Variants in IGDCC4 observed in about 807,000 individuals in gnomAD.
IGDCC4 encodes the protein likely ortholog of mouse neighbor of Punc E11.
A neutral mutation model predicts 116.6 loss-of-function variants in IGDCC4; 72 were observed. The ratio of observed to expected loss-of-function variants is 0.62; its 90% CI spans 0.51 to 0.75. The LOEUF (loss-of-function observed/expected upper bound fraction) is 0.75. Among genes scored for constraint, IGDCC4 ranks in the 30% least tolerant of loss-of-function variants. The probability of loss-of-function intolerance (pLI) is 0.00; values close to 1 mark genes in which losing one functional copy is unlikely to be tolerated. For synonymous variants in IGDCC4, 709 were observed against 719.9 expected (o/e 0.98, Z 0.24); for missense variants, 1,501 against 1,662.4 (o/e 0.90, Z 1.69).
rs1447800451 is a variant in IGDCC4 at position 65,397,140 on chromosome 15, G to T, written c.842-151C>A. On this transcript the variant is annotated intron_variant, in intron 5 of 19. Coordinates refer to ENST00000352385, the MANE Select transcript of IGDCC4 (RefSeq NM_020962.3). ...TTTCCTCCTCTTGCTGGGACTCTCT[G>T]AGCCCGGCTGTCTCCATCTGTAAGG... is the stretch of plus-strand genomic sequence containing the variant. 33 of 985,170 alleles carry T rather than the reference G, an allele frequency of 3.3e-5. No homozygotes were observed. In the East Asian group the frequency reaches 8.5e-4, roughly 25 times the overall value. 61.0% of individuals were successfully genotyped at this position (985,170 alleles called of 1,614,324 possible).
At position 65,384,863 on chromosome 15, in the gene IGDCC4, A is replaced by C. The variant is rs1316963859; in HGVS notation, c.3342+91T>G. 1 of 1,482,652 alleles carries C rather than the reference A, an allele frequency of 6.7e-7. No individual in the cohort carries two copies. Among genetic ancestry groups the C allele is most frequent in the African/African-American group, 1.4e-5 (1 of 69,566 alleles). 91.8% of individuals were successfully genotyped at this position (1,482,652 alleles called of 1,614,324 possible). A position where few individuals can be genotyped will look rare whatever the true frequency, so the allele number is the denominator to read the frequency against. Reference sequence around the variant, plus strand: ...GACTTCTATCCCCAGGAAAGTTACCACCCAGGGGTCTCCAGAGAACTCATT... The same window carrying C: ...GACTTCTATCCCCAGGAAAGTTACCCCCCAGGGGTCTCCAGAGAACTCATT... On this transcript the variant is annotated intron_variant, in intron 19 of 19. Transcript: ENST00000352385. The surrounding 1 kb of genome is among the most constrained non-coding windows in gnomAD (Gnocchi z 4.9).
intron 18 of IGDCC4, 168 bp downstream of exon 18, chr15:65,385,663 T>C (rs1033738492): frequency 5.7e-6 from 4 of 703,210 alleles, no homozygotes; most frequent in Middle Eastern, 3.7e-4. Flanking sequence ...TGGAGGCCCA[T>C]GTGCTTCCCT....
Position 65,396,091 on chromosome 15 carries a change from C to CG in IGDCC4, c.1069dup (p.Arg357ProfsTer52). 7.2e-7 allele frequency: 1 copy of CG among 1,385,580 alleles called. No homozygotes were observed. Among genetic ancestry groups the CG allele is most frequent in the Non-Finnish European group, 9.3e-7 (1 of 1,077,628 alleles). 85.8% of individuals were successfully genotyped at this position (1,385,580 alleles called of 1,614,324 possible). A position where few individuals can be genotyped will look rare whatever the true frequency, so the allele number is the denominator to read the frequency against. On this transcript the variant is annotated frameshift_variant, in exon 7 of 20. Coordinates refer to ENST00000352385, the MANE Select transcript of IGDCC4 (RefSeq NM_020962.3). LOFTEE classifies it high-confidence loss of function. ...CGCTGGCCGCGGCTCCCCCGACGCG[C>CG]GGCACACGAAGCGCGCTGTGCTCGC...
chr15:65,414,364 C>T (rs2063124465), intron 1 of IGDCC4, among the ~76,000 whole-genome samples: 1 of 152,222 alleles, frequency 6.6e-6, no homozygotes, highest in Non-Finnish European at 1.5e-5. Flanking sequence ...AGCCCCTGCC[C>T]TCACCAAGTT....
At chr15:65,398,132 T>C (rs1453139784) in intron 5 of IGDCC4, among the ~76,000 whole-genome samples, 3 of 152,206 alleles carry the variant, frequency 2.0e-5, no homozygotes, top group African/African-American at 4.8e-5. Flanking sequence ...AAAGAAGATA[T>C]ACTGGTACAT....
At chr15:65,404,559 T>C (rs1339618215) in intron 3 of IGDCC4, among the ~76,000 whole-genome samples, 1 of 152,194 alleles carries the variant, frequency 6.6e-6, no homozygotes, top group Non-Finnish European at 1.5e-5. Context: ...GGGAACTGCC[T>C]ACATTTCCTA....
In IGDCC4 at chr15:65,383,985, C is replaced by CTTTGG; in HGVS notation, c.*23_*24insCCAAA. Reference sequence around the variant, plus strand: ...CCTATGTGATCCATACCTGCCTGCCCCAAACCACATCCTCTGGGAAGAGCT... The same window carrying CTTTGG: ...CCTATGTGATCCATACCTGCCTGCCCTTTGGCAAACCACATCCTCTGGGAAGAGCT... On this transcript the variant is annotated 3_prime_UTR_variant, in exon 20 of 20. Coordinates refer to ENST00000352385, the MANE Select transcript of IGDCC4 (RefSeq NM_020962.3). 6.5e-7 allele frequency: 1 copy of CTTTGG among 1,549,010 alleles called. No individual in the cohort carries two copies. The highest frequency in any genetic ancestry group is 8.7e-7 in the Non-Finnish European group (1 of 1,143,164).
intron 12 of IGDCC4, among the ~76,000 whole-genome samples, chr15:65,390,613 C>T (rs1312442901): frequency 2.0e-5 from 3 of 152,160 alleles, no homozygotes; most frequent in Non-Finnish European, 4.4e-5. Context: ...ACCAGGCTGC[C>T]TTGGTTCAAA....
At chr15:65,410,944 A>T in intron 2 of IGDCC4, 76 bp downstream of exon 2, 1 of 1,192,732 alleles carries the variant, frequency 8.4e-7, no homozygotes, top group East Asian at 2.5e-5. Flanking sequence ...TGTGCAAGTA[A>T]CTAACTGCAG....
intron 5 of IGDCC4, among the ~76,000 whole-genome samples, chr15:65,398,607 G>A (rs1231239819): frequency 6.7e-6 from 1 of 148,156 alleles, no homozygotes; most frequent in Non-Finnish European, 1.5e-5. Flanking sequence ...GGCCGGGAGC[G>A]GTGGCTCCTG....
chr15:65,385,009 G>A lies in IGDCC4; in HGVS notation c.3287C>T (p.Pro1096Leu). 1 of 1,609,596 alleles carries A rather than the reference G, an allele frequency of 6.2e-7. No homozygotes were observed. The highest frequency in any genetic ancestry group is 8.5e-7 in the Non-Finnish European group (1 of 1,178,466). Reference protein sequence around the residue: ...RPALTRALLPPAGTGQTLLLQ... With the variant: ...RPALTRALLPLAGTGQTLLLQ... ...CAACAGCGTCTGCCCAGTTCCAGCA[G>A]GGGGCAGCAGGGCCCGGGTCAGAGC... The change falls in exon 19 of 20, where the codon CCT becomes CTT. Residue 1096 changes from proline to leucine, a missense_variant. Transcript: ENST00000352385.
intron 1 of IGDCC4, among the ~76,000 whole-genome samples, chr15:65,412,994 A>G (rs2063111728): frequency 6.6e-6 from 1 of 151,454 alleles, no homozygotes; most frequent in African/African-American, 2.4e-5. Context: ...TATCCAAGAA[A>G]CATTTAAAAT....
chr15:65,394,413 T>C lies in IGDCC4; in HGVS notation c.1712A>G (p.Glu571Gly). Residue 571 changes from glutamate to glycine, a missense_variant and splice_region_variant, in exon 9 of 20, where the codon GAA (glutamate) becomes GGA (glycine). By Grantham distance (98) the Glu-to-Gly change is moderately conservative. Around this residue, in one of 3 missense-constraint regions of IGDCC4, gnomAD observed 898 missense variants for 978.9 expected, o/e 0.92. Transcript: ENST00000352385. ...KYKIEYGLGK[E>G]DQIFSTEVRG... ...GCAGCCCACCCACCCCCACTCACCT[T>C]CCTTTCCCAAACCGTATTCTATCTT... is the stretch of plus-strand genomic sequence containing the variant. 1 of 1,613,934 alleles carries C rather than the reference T, an allele frequency of 6.2e-7. No individual in the cohort carries two copies. The highest frequency in any genetic ancestry group is 8.5e-7 in the Non-Finnish European group (1 of 1,179,992).
At chr15:65,388,161 T>C (rs778237385) in intron 16 of IGDCC4, among the ~76,000 whole-genome samples, 66 of 151,818 alleles carry the variant, frequency 4.3e-4, no homozygotes, top group Non-Finnish European at 9.0e-4. Flanking sequence ...GCAGAATCGC[T>C]TGAACCTGGG....
rs1276693562 is a variant in IGDCC4 at position 65,386,615 on chromosome 15, C to T, written c.2887G>A (p.Val963Ile). Residue 963 changes from valine to isoleucine, a missense_variant, in exon 17 of 20, where the codon GTC (valine) becomes ATC (isoleucine). Val to Ile is a conservative substitution (Grantham distance 29, BLOSUM62 3). Transcript: ENST00000352385. ...MHSVTGIIVGVCLGLLCLLAC... is the reference protein window; with the variant it reads ...MHSVTGIIVGICLGLLCLLAC... ...AGGAGGCAGAGGAGGCCCAGGCAGACACCCACGATGATGCCCGTGACTGAG... is the reference window on the plus strand; with the variant it reads ...AGGAGGCAGAGGAGGCCCAGGCAGATACCCACGATGATGCCCGTGACTGAG... 3.1e-6 allele frequency: 5 copies of T among 1,612,574 alleles called. No homozygotes were observed. In the Admixed American group the frequency reaches 8.3e-5, roughly 27 times the overall value.
rs750857963 is a variant in IGDCC4 at position 65,395,961 on chromosome 15, G to C, written c.1200C>G (p.Ala400=). ...TCTCAGCCACGCACTGGTAGTAGCCGGCGTCCTGCAGGCCGATCTGTGTGA... is the reference window on the plus strand; with the variant it reads ...TCTCAGCCACGCACTGGTAGTAGCCCGCGTCCTGCAGGCCGATCTGTGTGA... ...LVITQIGLQD[A]GYYQCVAENS... The change falls in exon 7 of 20, where the codon GCC becomes GCG. Residue 400 remains alanine, a synonymous_variant. Coordinates refer to ENST00000352385, the MANE Select transcript of IGDCC4 (RefSeq NM_020962.3). 14 of 1,584,740 alleles carry C rather than the reference G, an allele frequency of 8.8e-6. No homozygotes were observed. Among genetic ancestry groups the C allele is most frequent in the Admixed American group, 5.1e-5 (3 of 58,804 alleles).
intron 1 of IGDCC4, among the ~76,000 whole-genome samples, chr15:65,419,293 C>A (rs1165289771): frequency 6.7e-6 from 1 of 148,356 alleles, no homozygotes; most frequent in East Asian, 2.1e-4. Flanking sequence ...TGGTCTCAAA[C>A]TCAGCTCAAG....
rs1287964888 is a variant in IGDCC4 at position 65,395,976 on chromosome 15, G to T, written c.1185C>A (p.Ile395=). 1.9e-6 allele frequency: 3 copies of T among 1,578,012 alleles called. No homozygotes were observed. The East Asian group carries it at 6.9e-5, about 36-fold the overall frequency. Residue 395 remains isoleucine, a synonymous_variant, in exon 7 of 20, where the codon ATC becomes ATA. Coordinates refer to ENST00000352385, the MANE Select transcript of IGDCC4 (RefSeq NM_020962.3). ...GGTAGTAGCCGGCGTCCTGCAGGCC[G>T]ATCTGTGTGATGACCAGGCTGCCAC... ...GGGGSLVITQ[I]GLQDAGYYQC... is the part of the protein sequence containing the mutation.
chr15:65,401,248 T>C (rs1185183125), intron 4 of IGDCC4, among the ~76,000 whole-genome samples: 5 of 152,224 alleles, frequency 3.3e-5, no homozygotes, highest in African/African-American at 1.2e-4. Flanking sequence ...CAGAGGACTG[T>C]CAGGGTCATG....
Sources: allele counts gnomAD v4.1 joint callset (sites outside exome capture counted in the v4.1 genomes callset), GRCh38; gene constraint gnomAD v4.1.1; regional missense constraint gnomAD v4.1.1; non-coding constraint Gnocchi (gnomAD v3.1); transcripts MANE v1.5; gene names NCBI Gene and HGNC (gene_info 2026-07-23, HGNC 2026-07-21).